CCDC88A: variants seen among roughly 807,000 people sequenced by gnomAD.
The protein encoded by CCDC88A is coiled-coil and HOOK domain protein 88A, also known as girdin.
In CCDC88A, 54 loss-of-function variants were observed where a neutral mutation model predicts 234.3. The ratio of observed to expected loss-of-function variants is 0.23; its 90% CI spans 0.19 to 0.29. The LOEUF is 0.29. Ranked by LOEUF, CCDC88A falls within the 10% of genes least tolerant of loss-of-function variation. CCDC88A has a pLI of 1.00. For synonymous variants in CCDC88A, 753 were observed against 737.8 expected (o/e 1.02, Z -0.33); for missense variants, 1,832 against 2,123.4 (o/e 0.86, Z 2.70).
intron 16 of CCDC88A, chr2:55,329,038 G>C (rs1332408039): frequency 1.3e-5 from 2 of 152,328 alleles, no homozygotes; most frequent in Admixed American, 1.3e-4. Flanking sequence ...CCAAAGTGCT[G>C]GGATTACAGA....
chr2:55,419,184 C>T lies in CCDC88A; in HGVS notation c.-105G>A. On this transcript the variant is annotated 5_prime_UTR_variant, in exon 1 of 33. Transcript: ENST00000436346. Reference sequence around the variant, plus strand: ...AGAAATCAATGAAAGTCCATTTCGGCAAGGGAGAAAAATCCCATCGTGGAG... The same window carrying T: ...AGAAATCAATGAAAGTCCATTTCGGTAAGGGAGAAAAATCCCATCGTGGAG... 3 of 725,670 alleles carry T rather than the reference C, an allele frequency of 4.1e-6. No homozygotes were observed. Among genetic ancestry groups the T allele is most frequent in the Admixed American group, 5.1e-5 (2 of 39,568 alleles). 45.0% of individuals were successfully genotyped at this position (725,670 alleles called of 1,614,324 possible). A position where few individuals can be genotyped will look rare whatever the true frequency, so the allele number is the denominator to read the frequency against.
chr2:55,369,096 A>T (rs969396129), intron 5 of CCDC88A, among the ~76,000 whole-genome samples: 5 of 150,918 alleles, frequency 3.3e-5, no homozygotes. Context: ...GTGCAGTGGC[A>T]CAATCTTGGC....
intron 3 of CCDC88A, among the ~76,000 whole-genome samples, chr2:55,387,738 C>T (rs1228348334): frequency 2.2e-5 from 3 of 138,288 alleles, no homozygotes; most frequent in African/African-American, 8.4e-5. Context: ...GATGAGATTG[C>T]GCCACTGCAC....
At chr2:55,299,600 AT>A (rs1242553170) in intron 29 of CCDC88A, among the ~76,000 whole-genome samples, 1 of 152,272 alleles carries the variant, frequency 6.6e-6, no homozygotes, top group East Asian at 1.9e-4. Context: ...AAATATTACT[AT>A]AAGACTTTTA....
At chr2:55,382,610 A>G (rs1441112212) in intron 3 of CCDC88A, among the ~76,000 whole-genome samples, 1 of 152,156 alleles carries the variant, frequency 6.6e-6, no homozygotes, top group African/African-American at 2.4e-5. Context: ...AGAAAAATAA[A>G]TTTTTTAAGA....
At chr2:55,305,550 A>G (rs1681448032) in intron 25 of CCDC88A, among the ~76,000 whole-genome samples, 1 of 150,904 alleles carries the variant, frequency 6.6e-6, no homozygotes, top group African/African-American at 2.5e-5. Context: ...ATCTGAATTG[A>G]CATTTTTTTC....
chr2:55,387,796 A>AG (rs1254737576), intron 3 of CCDC88A, among the ~76,000 whole-genome samples: 6 of 150,684 alleles, frequency 4.0e-5, no homozygotes, highest in African/African-American at 1.5e-4. Context: ...AAAAAAAAAA[A>AG]AAAGAAAAAG....
At chr2:55,369,088 G>A (rs1292499374) in intron 5 of CCDC88A, among the ~76,000 whole-genome samples, 4 of 152,204 alleles carry the variant, frequency 2.6e-5, no homozygotes, top group African/African-American at 7.2e-5. Context: ...AGGCTGGAGT[G>A]CAGTGGCACA....
Position 55,366,887 on chromosome 2 carries a change from T to C in CCDC88A, c.403-2854A>G, listed in dbSNP as rs151182421. Among the ~76,000 whole-genome samples, 21 of 152,274 alleles carry C rather than the reference T, an allele frequency of 1.4e-4. No homozygotes were observed. The South Asian group carries it at 3.9e-3, about 29-fold the overall frequency. On this transcript the variant is annotated intron_variant, in intron 5 of 32. Coordinates refer to ENST00000436346, the MANE Select transcript of CCDC88A (RefSeq NM_001365480.1). ...GTTTTAAATAAGAAAACCGATAATA[T>C]AGGTCTAAACAAATCATAGTTCTAC...
At chr2:55,376,584 GTATTA>G (rs1471362494) in intron 3 of CCDC88A, among the ~76,000 whole-genome samples, 2 of 152,054 alleles carry the variant, frequency 1.3e-5, no homozygotes, top group Admixed American at 6.5e-5. Context: ...GTTTTCCTCA[GTATTA>G]TATTAGCTCT....
chr2:55,373,628 C>T (rs1460841295), intron 4 of CCDC88A, among the ~76,000 whole-genome samples: 1 of 152,132 alleles, frequency 6.6e-6, no homozygotes, highest in African/African-American at 2.4e-5. Flanking sequence ...ATTTCCACTC[C>T]TGGTCCCAGT....
Position 55,362,359 on chromosome 2 carries a change from A to G in CCDC88A, c.576T>C (p.Asn192=), listed in dbSNP as rs760221804. The G allele has an allele frequency of 7.5e-6, 12 of 1,594,866 alleles. No homozygotes were observed. The African/African-American group carries it at 1.1e-4, about 14-fold the overall frequency. The change falls in exon 7 of 33, where the codon AAT becomes AAC. Residue 192 remains asparagine (N), a synonymous_variant. Coordinates refer to ENST00000436346, the MANE Select transcript of CCDC88A (RefSeq NM_001365480.1). ...SQEDIEPLLK[N]MALHLKRLID... ...TAAGTCTTTTTAGATGCAATGCCAT[A>G]TTTTTCAAGAGTGGTTCTATGTCCT...
chr2:55,332,470 TATAA>T lies in CCDC88A; in HGVS notation c.2855+92_2855+95del. The stretch of plus-strand genomic sequence containing the variant: ...AAGGAACCAGAAATAGGGTGAAATA[TATAA>T]ATGTTTTCTATAGCTAGTACAGAAA... On this transcript the variant is annotated intron_variant, in intron 16 of 32. Coordinates refer to ENST00000436346, the MANE Select transcript of CCDC88A (RefSeq NM_001365480.1). This position sits in a 1 kb window ranked among gnomAD's most constrained non-coding sequence, Gnocchi z 4.5. The T allele has an allele frequency of 6.7e-7, 1 of 1,489,876 alleles. No homozygotes were observed. The highest frequency in any genetic ancestry group is 1.4e-5 in the South Asian group (1 of 72,040). The allele number at this position is 1,489,876 out of a possible 1,614,324, so 92.3% of individuals were successfully genotyped here. A position where few individuals can be genotyped will look rare whatever the true frequency, so the allele number is the denominator to read the frequency against.
intron 8 of CCDC88A, among the ~76,000 whole-genome samples, chr2:55,354,986 G>C (rs1413660800): frequency 6.7e-6 from 1 of 149,396 alleles, no homozygotes; most frequent in African/African-American, 2.5e-5. Flanking sequence ...GGCATTACTA[G>C]ATGATAGGGA....
At chr2:55,417,730 C>G (rs779415128) in intron 2 of CCDC88A, 3 of 151,884 alleles carry the variant, frequency 2.0e-5, no homozygotes, top group Non-Finnish European at 2.9e-5. Flanking sequence ...AACACGAGAG[C>G]AATTTTTTAT....
rs1679197704 is a variant in CCDC88A, at chr2:55,288,138, C to A, written c.*3062G>T. The A allele has an allele frequency of 6.6e-6, 1 of 152,436 alleles. No homozygotes were observed. Among genetic ancestry groups the A allele is most frequent in the African/African-American group, 2.4e-5 (1 of 41,370 alleles). The allele number at this position is 152,436 out of a possible 1,614,324, so 9.4% of individuals were successfully genotyped here. A position where few individuals can be genotyped will look rare whatever the true frequency, so the allele number is the denominator to read the frequency against. On this transcript the variant is annotated 3_prime_UTR_variant, in exon 33 of 33. Transcript: ENST00000436346. ...ACAGTTATAAGTACAATGGTAGACA[C>A]TGAAAAAGAAAACCCTTAATAGAAA...
intron 2 of CCDC88A, among the ~76,000 whole-genome samples, chr2:55,397,060 T>C (rs971917057): frequency 1.3e-5 from 2 of 152,068 alleles, no homozygotes; most frequent in African/African-American, 4.8e-5. Context: ...ATTATAAACC[T>C]GGATATTTAA....
At position 55,323,582 on chromosome 2, in the gene CCDC88A, G is replaced by A. The variant is rs918859695; in HGVS notation, c.2998-890C>T. 3.3e-5 allele frequency: 5 copies of A among 152,288 alleles called. No homozygotes were observed. The East Asian group carries it at 9.6e-4, about 29-fold the overall frequency. 9.4% of individuals were successfully genotyped at this position (152,288 alleles called of 1,614,324 possible). ...TACTTTTAACACACTAATAACAATA[G>A]ATGAGTGGCATCATTTCTAGTCTCT... is the stretch of plus-strand genomic sequence containing the variant. On this transcript the variant is annotated intron_variant, in intron 17 of 32. Transcript: ENST00000436346.
chr2:55,369,516 A>G (rs1672523307), intron 5 of CCDC88A, among the ~76,000 whole-genome samples: 1 of 146,216 alleles, frequency 6.8e-6, no homozygotes, highest in Admixed American at 7.1e-5. Flanking sequence ...CAGTGGAGCC[A>G]TCTCAGCTCA....
Sources: allele counts gnomAD v4.1 joint callset (sites outside exome capture counted in the v4.1 genomes callset), GRCh38; gene constraint gnomAD v4.1.1; non-coding constraint Gnocchi (gnomAD v3.1); transcripts MANE v1.5; gene names NCBI Gene and HGNC (gene_info 2026-07-23, HGNC 2026-07-21).